GIN1: variants seen among roughly 807,000 people sequenced by gnomAD.
GIN1 encodes the protein gypsy retrotransposon integrase-like protein 1.
In GIN1, 41 loss-of-function variants were observed where a neutral mutation model predicts 51.4. That is an observed-to-expected ratio of 0.80 (90% CI 0.62 to 1.04). The LOEUF is 1.04. Ranked by LOEUF, GIN1 falls within the 50% of genes least tolerant of loss-of-function variation. GIN1 has a pLI of 0.00. For missense variants in GIN1, 610 were observed against 612.4 expected (o/e 1.00, Z 0.04); for synonymous variants, 222 against 206.5 (o/e 1.07, Z -0.64).
chr5:103,118,773 C>T (rs369993107), intron 1 of GIN1, among the ~76,000 whole-genome samples: 3 of 148,948 alleles, frequency 2.0e-5, no homozygotes, highest in Non-Finnish European at 4.5e-5. Flanking sequence ...AAAGCCCATA[C>T]ATATGAGAAA....
chr5:103,103,801 A>T (rs1258695232), intron 4 of GIN1, among the ~76,000 whole-genome samples: 1 of 151,916 alleles, frequency 6.6e-6, no homozygotes, highest in African/African-American at 2.4e-5. Context: ...TATTATTGTT[A>T]TTTTTTGAGA....
chr5:103,118,112 A>G (rs1315099456), intron 1 of GIN1, among the ~76,000 whole-genome samples: 5 of 152,174 alleles, frequency 3.3e-5, no homozygotes, highest in African/African-American at 1.2e-4. Context: ...GTGAATGAAT[A>G]AAGAATTACC....
At position 103,093,773 on chromosome 5, in the gene GIN1, G is replaced by A. The variant is rs138447209; in HGVS notation, c.1294+2768C>T. ...TTTTCCTTTCAAAGAGGAGCATTATGATTACAAAAAGACACTATGGTATTT... is the reference window on the plus strand; with the variant it reads ...TTTTCCTTTCAAAGAGGAGCATTATAATTACAAAAAGACACTATGGTATTT... On this transcript the variant is annotated intron_variant, in intron 7 of 7. Coordinates refer to ENST00000399004, the MANE Select transcript of GIN1 (RefSeq NM_017676.2). 1.4e-4 allele frequency among the ~76,000 whole-genome samples: 21 copies of A among 152,256 alleles called. No homozygotes were observed. The East Asian group carries it at 3.3e-3, about 24-fold the overall frequency.
chr5:103,096,923 T>G (rs1787412151), intron 6 of GIN1, 97 bp from the exon 7 acceptor site: 1 of 739,636 alleles, frequency 1.4e-6, no homozygotes, highest in African/African-American at 1.8e-5. Flanking sequence ...AAATGGTACT[T>G]GAGATGCTAC....
At chr5:103,106,636 A>T (rs1787731322) in intron 3 of GIN1, 80 bp downstream of exon 3, 1 of 850,854 alleles carries the variant, frequency 1.2e-6, no homozygotes, top group Non-Finnish European at 1.8e-6. Flanking sequence ...TGATACCCAG[A>T]ATAAATCTGG....
intron 7 of GIN1, among the ~76,000 whole-genome samples, chr5:103,094,756 T>C (rs1383139414): frequency 1.3e-5 from 2 of 152,190 alleles, no homozygotes; most frequent in African/African-American, 2.4e-5. Flanking sequence ...CAACATATAC[T>C]TGTATAACCT....
intron 3 of GIN1, among the ~76,000 whole-genome samples, chr5:103,106,121 A>G (rs1554196245): frequency 6.6e-6 from 1 of 152,182 alleles, no homozygotes. Flanking sequence ...CACTGGAAAG[A>G]GTAGAATCAG....
chr5:103,088,251 G>A, intron 7 of GIN1, 79 bp from the exon 8 acceptor site: 3 of 782,216 alleles, frequency 3.8e-6, no homozygotes, highest in Non-Finnish European at 1.9e-6. Flanking sequence ...TTTAAGTGAG[G>A]AACAAAATCC....
chr5:103,116,728 G>A (rs900081172), intron 1 of GIN1, among the ~76,000 whole-genome samples: 1 of 151,810 alleles, frequency 6.6e-6, no homozygotes, highest in Non-Finnish European at 1.5e-5. Context: ...AAGAACTCTC[G>A]AAGCTTAACA....
chr5:103,099,860 A>G (rs1432641964), intron 4 of GIN1, among the ~76,000 whole-genome samples: 4 of 152,190 alleles, frequency 2.6e-5, no homozygotes, highest in Non-Finnish European at 5.9e-5. Flanking sequence ...CTGTATTTTT[A>G]TTCAACTATA....
intron 1 of GIN1, among the ~76,000 whole-genome samples, chr5:103,117,151 G>A (rs1316981351): frequency 6.6e-6 from 1 of 151,986 alleles, no homozygotes; most frequent in African/African-American, 2.4e-5. Context: ...TCATCAACTG[G>A]TGAATGGATA....
At chr5:103,108,782 C>A (rs945040851) in intron 1 of GIN1, 68 bp from the exon 2 acceptor site, 1 of 967,310 alleles carries the variant, frequency 1.0e-6, no homozygotes, top group African/African-American at 1.7e-5. Flanking sequence ...TCAGTTAAGA[C>A]TTCTGTCATA....
intron 1 of GIN1, among the ~76,000 whole-genome samples, chr5:103,115,522 G>A (rs550843698): frequency 3.3e-5 from 5 of 152,190 alleles, no homozygotes; most frequent in African/African-American, 1.2e-4. Context: ...CAGGGGGTGA[G>A]GAGGAGAGAA....
intron 7 of GIN1, among the ~76,000 whole-genome samples, chr5:103,092,256 C>G (rs902614665): frequency 6.6e-6 from 1 of 152,006 alleles, no homozygotes; most frequent in Non-Finnish European, 1.5e-5. Flanking sequence ...AATCCTACCT[C>G]GGCCTCTCAA....
At chr5:103,107,146 T>C in intron 2 of GIN1, among the ~76,000 whole-genome samples, 1 of 152,054 alleles carries the variant, frequency 6.6e-6, no homozygotes, top group East Asian at 1.9e-4. Context: ...GCTATCAATA[T>C]AAGTAGAGCA....
At chr5:103,102,019 C>G (rs540882958) in intron 4 of GIN1, among the ~76,000 whole-genome samples, 1 of 152,078 alleles carries the variant, frequency 6.6e-6, no homozygotes, top group Non-Finnish European at 1.5e-5. Context: ...GATTACTTTA[C>G]CACATAAATC....
intron 4 of GIN1, among the ~76,000 whole-genome samples, chr5:103,104,296 ACCT>A (rs1190304864): frequency 6.6e-6 from 1 of 152,142 alleles, no homozygotes; most frequent in African/African-American, 2.4e-5. Flanking sequence ...ATTTGGTCCA[ACCT>A]CCTCATTTTA....
At chr5:103,111,714 G>GA (rs1178065117) in intron 1 of GIN1, among the ~76,000 whole-genome samples, 10 of 151,782 alleles carry the variant, frequency 6.6e-5, no homozygotes, top group African/African-American at 2.2e-4. Flanking sequence ...CCAGCCATTG[G>GA]AAAAAAAATG....
At chr5:103,098,332 C>T (rs1204702466) in intron 4 of GIN1, among the ~76,000 whole-genome samples, 5 of 133,432 alleles carry the variant, frequency 3.7e-5, no homozygotes, top group Admixed American at 3.7e-4. Context: ...TGTCATTAAA[C>T]CTTACAAGTT....
Sources: allele counts gnomAD v4.1 joint callset (sites outside exome capture counted in the v4.1 genomes callset), GRCh38; gene constraint gnomAD v4.1.1; transcripts MANE v1.5; gene names NCBI Gene and HGNC (gene_info 2026-07-23, HGNC 2026-07-21).